Variants in PODN observed in about 807,000 individuals in gnomAD.
PODN encodes the protein podocan, also known as podocan proteoglycan.
In PODN, 40 loss-of-function variants were observed where a neutral mutation model predicts 52.7. The ratio of observed to expected loss-of-function variants is 0.76; its 90% CI spans 0.59 to 0.99. The LOEUF is 0.99. PODN is among the 50% of genes least tolerant of loss of function. PODN has a pLI of 0.00. For missense variants in PODN, 720 were observed against 815.1 expected (o/e 0.88, Z 1.42); for synonymous variants, 396 against 377.9 (o/e 1.05, Z -0.56).
intron 9 of PODN, 108 bp from the exon 10 acceptor site, chr1:53,081,873 C>A: frequency 1.4e-6 from 2 of 1,472,816 alleles, no homozygotes; most frequent in Non-Finnish European, 1.8e-6. Context: ...CACCACTTTC[C>A]GGGAGGGCCA....
At position 53,082,235 on chromosome 1, in the gene PODN, TC is replaced by T; in HGVS notation, c.*27+51del. On this transcript the variant is annotated intron_variant, in intron 10 of 10. Transcript: ENST00000312553. ...GCACTCACTTCTGCTCCCTGCATTTTCCCCTTCCTGACCCTGGTAGAGGGTC... is the reference window on the plus strand; with the variant it reads ...GCACTCACTTCTGCTCCCTGCATTTTCCCTTCCTGACCCTGGTAGAGGGTC... 2.8e-6 allele frequency: 4 copies of T among 1,437,158 alleles called. 1 individual carries two copies. The South Asian group carries it at 6.0e-5, about 21-fold the overall frequency. 89.0% of individuals were successfully genotyped at this position (1,437,158 alleles called of 1,614,324 possible). A position where few individuals can be genotyped will look rare whatever the true frequency, so the allele number is the denominator to read the frequency against.
chr1:53,072,103 T>A (rs889409992), intron 3 of PODN, among the ~76,000 whole-genome samples: 3 of 148,614 alleles, frequency 2.0e-5, no homozygotes, highest in Admixed American at 2.0e-4. Flanking sequence ...TAAAATAATA[T>A]AAAATAAAAT....
At chr1:53,064,056 C>T (rs924892732) in intron 1 of PODN, among the ~76,000 whole-genome samples, 2 of 152,226 alleles carry the variant, frequency 1.3e-5, no homozygotes, top group African/African-American at 2.4e-5. Flanking sequence ...ACTCAAGGCT[C>T]TGGGCAGGAG....
At position 53,077,444 on chromosome 1, in the gene PODN, A is replaced by G; in HGVS notation, c.738+98A>G. 5 of 1,511,780 alleles carry G rather than the reference A, an allele frequency of 3.3e-6. No individual in the cohort carries two copies. In the South Asian group the frequency reaches 6.5e-5, roughly 20 times the overall value. 93.6% of individuals were successfully genotyped at this position (1,511,780 alleles called of 1,614,324 possible). ...GAAGAGCTCAGGCCCACATGGCCACAGGTGCTGCCCAAGTGGGGCCCCGGG... is the reference window on the plus strand; with the variant it reads ...GAAGAGCTCAGGCCCACATGGCCACGGGTGCTGCCCAAGTGGGGCCCCGGG... On this transcript the variant is annotated intron_variant, in intron 6 of 10. Transcript: ENST00000312553.
At chr1:53,066,384 G>A (rs1234666875) in intron 1 of PODN, among the ~76,000 whole-genome samples, 1 of 152,074 alleles carries the variant, frequency 6.6e-6, no homozygotes, top group African/African-American at 2.4e-5. Context: ...AACAATAAAT[G>A]GGATTTGATG....
chr1:53,077,454 C>A, intron 6 of PODN, 108 bp downstream of exon 6: 1 of 1,496,248 alleles, frequency 6.7e-7, no homozygotes, highest in Non-Finnish European at 9.0e-7. Context: ...AGGTGCTGCC[C>A]AAGTGGGGCC....
At chr1:53,080,979 G>T in intron 9 of PODN, 103 bp downstream of exon 9, 2 of 1,437,554 alleles carry the variant, frequency 1.4e-6, no homozygotes, top group Non-Finnish European at 1.9e-6. Context: ...ACTGCTGCCT[G>T]TGTAACCACG....
intron 10 of PODN, among the ~76,000 whole-genome samples, chr1:53,083,367 G>A (rs1001512): frequency 0.088 from 13,381 of 152,236 alleles, 955 homozygotes; most frequent in East Asian, 0.22. Flanking sequence ...TTAAAGGAGG[G>A]GGCTGGCTTG....
rs146352896 is a variant in PODN, at chr1:53,078,799, G to T, written c.1289G>T (p.Arg430Leu). ...CACCGCGACGCCTTCCGCAAGCTGC[G>T]CCTGCTGCGCTCGCTGGACCTGTCG... ...QVHRDAFRKL[R>L]LLRSLDLSGN... is the part of the protein sequence containing the mutation. The change falls in exon 8 of 11, where the codon CGC (arginine) becomes CTC (leucine). Residue 430 changes from arginine (R) to leucine (L), a missense_variant. Transcript: ENST00000312553. 5 of 1,613,100 alleles carry T rather than the reference G, an allele frequency of 3.1e-6. No individual in the cohort carries two copies. Among genetic ancestry groups the T allele is most frequent in the Non-Finnish European group, 4.2e-6 (5 of 1,179,874 alleles).
Position 53,080,891 on chromosome 1 carries a change from G to A in PODN, c.1661+15G>A, listed in dbSNP as rs369900858. On this transcript the variant is annotated intron_variant, in intron 9 of 10. Transcript: ENST00000312553. ...ATCTTTCTCAGGTAGGAGCCCACTC[G>A]CGGCCCTGTACACACCCCCGTGGGG... is the stretch of plus-strand genomic sequence containing the variant. 7 of 1,613,250 alleles carry A rather than the reference G, an allele frequency of 4.3e-6. No homozygotes were observed. The highest frequency in any genetic ancestry group is 5.9e-6 in the Non-Finnish European group (7 of 1,179,886).
chr1:53,071,911 T>A (rs1480337418), intron 3 of PODN, among the ~76,000 whole-genome samples: 1 of 151,882 alleles, frequency 6.6e-6, no homozygotes, highest in East Asian at 1.9e-4. Flanking sequence ...GTTATCACCA[T>A]GGAATGTAAA....
chr1:53,071,433 A>T (rs1644115088), intron 2 of PODN, 102 bp from the exon 3 acceptor site: 2 of 979,958 alleles, frequency 2.0e-6, no homozygotes, highest in East Asian at 5.4e-5. Flanking sequence ...GGTGCCCAGC[A>T]GGTGGACTGG....
intron 8 of PODN, among the ~76,000 whole-genome samples, chr1:53,079,271 C>T (rs1213922099): frequency 3.3e-5 from 5 of 152,166 alleles, no homozygotes; most frequent in Admixed American, 6.5e-5. Flanking sequence ...GTGAGCCCAG[C>T]CCACCTGCAG....
At chr1:53,070,373 G>A (rs551650703) in intron 2 of PODN, among the ~76,000 whole-genome samples, 6 of 152,204 alleles carry the variant, frequency 3.9e-5, no homozygotes, top group African/African-American at 1.2e-4. Context: ...TCCCAGTCAC[G>A]GAGCACTGTG....
intron 2 of PODN, 33 bp from the exon 3 acceptor site, chr1:53,071,502 A>G: frequency 6.4e-7 from 1 of 1,567,110 alleles, no homozygotes; most frequent in Non-Finnish European, 8.8e-7. Flanking sequence ...CACTAGGCTG[A>G]TGCTGCTTCC....
At position 53,077,174 on chromosome 1, in the gene PODN, G is replaced by C. The variant is rs1169816169; in HGVS notation, c.582-16G>C. The C allele has an allele frequency of 1.2e-6, 2 of 1,612,074 alleles. No homozygotes were observed. The highest frequency in any genetic ancestry group is 3.3e-5 in the Admixed American group (2 of 59,968). On this transcript the variant is annotated splice_polypyrimidine_tract_variant and intron_variant, in intron 5 of 10. Coordinates refer to ENST00000312553, the MANE Select transcript of PODN (RefSeq NM_153703.5). The stretch of plus-strand genomic sequence containing the variant: ...GGGGAGCCCAGGTGGGTGAGGACCT[G>C]TGCCTTGACCCCCAGGTCTGTGTAC...
At chr1:53,083,990 G>C (rs1644328995) in intron 10 of PODN, among the ~76,000 whole-genome samples, 1 of 152,170 alleles carries the variant, frequency 6.6e-6, no homozygotes, top group African/African-American at 2.4e-5. Flanking sequence ...GGGCCACTTG[G>C]GTGGGTGACA....
At chr1:53,081,686 A>G (rs1055104718) in intron 9 of PODN, among the ~76,000 whole-genome samples, 3 of 152,254 alleles carry the variant, frequency 2.0e-5, no homozygotes, top group African/African-American at 7.2e-5. Flanking sequence ...GATGGCATAG[A>G]GACAGCTCCC....
At chr1:53,077,660 T>C in intron 6 of PODN, 25 bp from the exon 7 acceptor site, 1 of 1,593,096 alleles carries the variant, frequency 6.3e-7, no homozygotes, top group South Asian at 1.1e-5. Flanking sequence ...CCTCACAATC[T>C]CCTCCCTTCC....
Sources: gnomAD v4.1 joint callset for allele counts (sites outside exome capture counted in the v4.1 genomes callset) on GRCh38, gnomAD v4.1.1 for gene constraint, MANE v1.5 for transcripts, NCBI Gene and HGNC (gene_info 2026-07-23, HGNC 2026-07-21) for gene names.